ETF1: variants seen among roughly 807,000 people sequenced by gnomAD.
The protein encoded by ETF1 is eukaryotic peptide chain release factor subunit 1.
A neutral mutation model predicts 55.1 loss-of-function variants in ETF1; 4 were observed. That is an observed-to-expected ratio of 0.07 (90% CI 0.04 to 0.17). The LOEUF is 0.17. Among genes scored for constraint, ETF1 ranks in the 10% least tolerant of loss-of-function variants. The pLI, the probability that ETF1 is intolerant of heterozygous loss-of-function variation, is 1.00. For missense variants in ETF1, 142 were observed against 523.6 expected (o/e 0.27, Z 7.11); for synonymous variants, 157 against 182.3 (o/e 0.86, Z 1.12).
intron 5 of ETF1, 74 bp downstream of exon 5, chr5:138,513,494 G>T: frequency 7.7e-7 from 1 of 1,307,122 alleles, no homozygotes. Context: ...GTGAGCCACC[G>T]CACCCGGCCC....
chr5:138,525,743 C>T (rs1034397667), intron 2 of ETF1, among the ~76,000 whole-genome samples: 21 of 151,758 alleles, frequency 1.4e-4, no homozygotes, highest in Admixed American at 3.3e-4. Context: ...GTCAGGAGTT[C>T]GAGACCAGCC....
chr5:138,536,887 G>C (rs1304858528), intron 2 of ETF1, among the ~76,000 whole-genome samples: 5 of 152,182 alleles, frequency 3.3e-5, no homozygotes, highest in Admixed American at 1.3e-4. Context: ...TGGTGTGGAG[G>C]ATGGGAGAGA....
chr5:138,509,055 C>T (rs1297899931), intron 9 of ETF1: 2 of 985,378 alleles, frequency 2.0e-6, no homozygotes, highest in Non-Finnish European at 1.2e-6. Flanking sequence ...GAAATACCAA[C>T]ACAAAAACTC....
At chr5:138,512,197 C>CA (rs58386195) in intron 6 of ETF1, among the ~76,000 whole-genome samples, 40 of 2,844 alleles carry the variant, frequency 0.014, 9 homozygotes, top group East Asian at 0.083. Flanking sequence ...GACCCAGTCT[C>CA]AAAAAAAAAA....
At chr5:138,510,507 C>G (rs1029927839) in intron 9 of ETF1, 58 bp downstream of exon 9, 1 of 1,348,254 alleles carries the variant, frequency 7.4e-7, no homozygotes. Context: ...ACAGCCAGTA[C>G]TCTAACACAC....
intron 2 of ETF1, chr5:138,542,623 G>C: frequency 7.0e-7 from 1 of 1,420,028 alleles, no homozygotes; most frequent in Non-Finnish European, 9.2e-7. Context: ...CGGGGAGCGC[G>C]GGCCCCTTAC....
In ETF1 at chr5:138,508,864, A is replaced by T; in HGVS notation, c.1084-48T>A. ...CAAAAATGGGGGATTAGGATATATG[A>T]AGGCTAATTAGTCCCTCTCACAGCC... On this transcript the variant is annotated intron_variant, in intron 9 of 10. Transcript: ENST00000360541. 6 of 1,589,584 alleles carry T rather than the reference A, an allele frequency of 3.8e-6. No individual in the cohort carries two copies. In the African/African-American group the frequency reaches 4.0e-5, roughly 11 times the overall value.
chr5:138,516,499 G>A (rs967334993), intron 4 of ETF1, among the ~76,000 whole-genome samples: 7 of 152,136 alleles, frequency 4.6e-5, no homozygotes, highest in African/African-American at 1.2e-4. Context: ...AATTAGCCAG[G>A]CATGGTGGTG....
chr5:138,528,052 G>A (rs983568127), intron 2 of ETF1, among the ~76,000 whole-genome samples: 20 of 152,166 alleles, frequency 1.3e-4, no homozygotes, highest in African/African-American at 4.3e-4. Flanking sequence ...GATTACAGGC[G>A]TGAGCCACCA....
At chr5:138,535,334 T>C (rs762868002) in intron 2 of ETF1, among the ~76,000 whole-genome samples, 2 of 124,938 alleles carry the variant, frequency 1.6e-5, no homozygotes, top group African/African-American at 3.0e-5. Flanking sequence ...GGATGAATAA[T>C]TGGCTTTTTT....
At chr5:138,509,916 A>G (rs971978730) in intron 9 of ETF1, among the ~76,000 whole-genome samples, 16 of 117,494 alleles carry the variant, frequency 1.4e-4, no homozygotes, top group African/African-American at 4.1e-4. Flanking sequence ...AAAAAAAAAA[A>G]GGGAATGAGG....
intron 2 of ETF1, chr5:138,541,587 G>A: frequency 6.5e-7 from 1 of 1,533,228 alleles, no homozygotes; most frequent in Middle Eastern, 1.7e-4. Flanking sequence ...GAAGAGCTTG[G>A]AGGGGCTGTC....
chr5:138,538,036 GCA>G (rs778656325), intron 2 of ETF1, among the ~76,000 whole-genome samples: 1 of 145,828 alleles, frequency 6.9e-6, no homozygotes, highest in Non-Finnish European at 1.5e-5. Flanking sequence ...GAGATTACAG[GCA>G]TGCACCACCA....
intron 2 of ETF1, among the ~76,000 whole-genome samples, chr5:138,522,592 A>C (rs1034992302): frequency 1.3e-5 from 2 of 152,032 alleles, no homozygotes; most frequent in South Asian, 2.1e-4. Context: ...AAAAAAAAAA[A>C]CAAAACAAAC....
intron 2 of ETF1, 112 bp from the exon 3 acceptor site, chr5:138,518,979 T>C: frequency 6.5e-7 from 1 of 1,532,344 alleles, no homozygotes; most frequent in Non-Finnish European, 8.8e-7. Context: ...TGGAAACAGG[T>C]CACTCTCAAA....
rs1417086013 is a variant in ETF1 at position 138,511,393 on chromosome 5, CACACACACAT to C, written c.862+72_862+81del. 314 of 1,414,438 alleles carry C rather than the reference CACACACACAT, an allele frequency of 2.2e-4. 1 individual carries two copies. In the African/African-American group the frequency reaches 4.2e-3, roughly 19 times the overall value. 87.6% of individuals were successfully genotyped at this position (1,414,438 alleles called of 1,614,324 possible). On this transcript the variant is annotated intron_variant, in intron 7 of 10. Transcript: ENST00000360541. ...TCATACATACAATCACGTACATACA[CACACACACAT>C]ACACACACACACACACACACACACA...
At position 138,541,485 on chromosome 5, in the gene ETF1, A is replaced by C. The variant is rs1401597776; in HGVS notation, c.86+1348T>G. ...CCTCATTCCAAACAGAACTGTCCCT[A>C]ATTTATTAAGAACAAAACACTAGTA... On this transcript the variant is annotated intron_variant, in intron 2 of 10. Transcript: ENST00000360541. The C allele has an allele frequency of 2.1e-6, 3 of 1,439,780 alleles. No individual in the cohort carries two copies. In the South Asian group the frequency reaches 3.7e-5, roughly 18 times the overall value. The allele number at this position is 1,439,780 out of a possible 1,614,324, so 89.2% of individuals were successfully genotyped here.
intron 2 of ETF1, among the ~76,000 whole-genome samples, chr5:138,541,955 T>C (rs1355284976): frequency 1.3e-5 from 2 of 151,972 alleles, no homozygotes; most frequent in Non-Finnish European, 2.9e-5. Context: ...ACACCTACAG[T>C]TTCTTATCAA....
At chr5:138,529,754 G>A (rs1765618106) in intron 2 of ETF1, 1 of 976,652 alleles carries the variant, frequency 1.0e-6, no homozygotes, top group Non-Finnish European at 1.2e-6. Context: ...AACTCAAGTA[G>A]AAAGATAATT....
Sources: allele counts gnomAD v4.1 joint callset (sites outside exome capture counted in the v4.1 genomes callset), GRCh38; gene constraint gnomAD v4.1.1; transcripts MANE v1.5; gene names NCBI Gene and HGNC (gene_info 2026-07-23, HGNC 2026-07-21).